Variants in CDC14B observed in about 807,000 individuals in gnomAD.
CDC14B encodes the protein cell division cycle 14B, also known as dual specificity protein phosphatase CDC14B.
A neutral mutation model predicts 64.2 loss-of-function variants in CDC14B; 22 were observed. The ratio of observed to expected loss-of-function variants is 0.34; its 90% CI spans 0.24 to 0.49. The LOEUF is 0.49. Ranked by LOEUF, CDC14B falls within the 20% of genes least tolerant of loss-of-function variation. The probability of loss-of-function intolerance (pLI) is 0.99; values close to 1 mark genes in which losing one functional copy is unlikely to be tolerated. For synonymous variants in CDC14B, 191 were observed against 215.8 expected, an observed-to-expected ratio of 0.89 and a Z score of 1.01; for missense variants, 498 against 629.9, an observed-to-expected ratio of 0.79 and a Z score of 2.24.
intron 3 of CDC14B, among the ~76,000 whole-genome samples, chr9:96,563,009 T>C (rs954148762): frequency 6.6e-6 from 1 of 152,172 alleles, no homozygotes; most frequent in African/African-American, 2.4e-5. Flanking sequence ...GGAGGGGACA[T>C]GAATGGACAC....
At chr9:96,573,678 GTAA>G (rs1844609847) in intron 1 of CDC14B, among the ~76,000 whole-genome samples, 1 of 152,190 alleles carries the variant, frequency 6.6e-6, no homozygotes, top group African/African-American at 2.4e-5. Flanking sequence ...CATGTTACAT[GTAA>G]TAAACTACAT....
intron 1 of CDC14B, among the ~76,000 whole-genome samples, chr9:96,587,624 C>G (rs1266450002): frequency 6.6e-6 from 1 of 152,188 alleles, no homozygotes; most frequent in Non-Finnish European, 1.5e-5. Flanking sequence ...TGGAGTACAT[C>G]TTAGTCTAGG....
At chr9:96,594,636 G>A (rs965382090) in intron 1 of CDC14B, among the ~76,000 whole-genome samples, 2 of 144,800 alleles carry the variant, frequency 1.4e-5, no homozygotes, top group African/African-American at 5.2e-5. Flanking sequence ...AGAATCACTT[G>A]AACCTGGGAG....
At chr9:96,496,269 G>T, downstream of CDC14B, 1 of 506,844 alleles carries the variant, frequency 2.0e-6, no homozygotes, top group Non-Finnish European at 3.9e-6. Flanking sequence ...GTGTCCAGGA[G>T]AGACCTTCCC....
intron 3 of CDC14B, among the ~76,000 whole-genome samples, chr9:96,563,987 T>C (rs1305863040): frequency 6.6e-6 from 1 of 152,182 alleles, no homozygotes; most frequent in East Asian, 1.9e-4. Flanking sequence ...AACATCTGCC[T>C]TACCCATGAA....
intron 1 of CDC14B, chr9:96,618,646 G>T: frequency 1.9e-6 from 1 of 525,574 alleles, no homozygotes. Context: ...GCGCGCTAGG[G>T]GGCAGGGCGC....
At chr9:96,490,993 A>G (rs543133095) in exon 14 of CDC14B, 2 of 152,288 alleles carry the variant, frequency 1.3e-5, no homozygotes, top group Non-Finnish European at 2.9e-5. Context: ...GGTTGGGGGT[A>G]CACCTCAGAG....
At chr9:96,541,737 C>A in intron 6 of CDC14B, 89 bp downstream of exon 6, 1 of 860,096 alleles carries the variant, frequency 1.2e-6, no homozygotes, top group South Asian at 2.7e-5. Context: ...GAAACACTAA[C>A]AAAAAGATCT....
intron 1 of CDC14B, among the ~76,000 whole-genome samples, chr9:96,577,813 A>G (rs1170911169): frequency 1.3e-5 from 2 of 152,248 alleles, no homozygotes; most frequent in Non-Finnish European, 2.9e-5. Flanking sequence ...ACATATGTTC[A>G]CCAAGAAAGG....
In CDC14B at chr9:96,515,610, G is replaced by A. The variant is rs1587767311; in HGVS notation, c.1344-5821C>T. ...ATTGTGGGAACCACACTAGGCACCA[G>A]AAGTAAGCAACGGCAGAGAAACAGA... On this transcript the variant is annotated intron_variant, in intron 12 of 13. Coordinates refer to ENST00000375241, the MANE Select transcript of CDC14B (RefSeq NM_033331.4). The surrounding 1 kb of genome is among the most constrained non-coding windows in gnomAD (Gnocchi z 4.3). 1 of 1,519,200 alleles carries A rather than the reference G, an allele frequency of 6.6e-7. No homozygotes were observed. The highest frequency in any genetic ancestry group is 2.5e-5 in the East Asian group (1 of 39,880). The allele number at this position is 1,519,200 out of a possible 1,614,324, so 94.1% of individuals were successfully genotyped here. A position where few individuals can be genotyped will look rare whatever the true frequency, so the allele number is the denominator to read the frequency against.
intron 1 of CDC14B, among the ~76,000 whole-genome samples, chr9:96,611,093 A>AG (rs983701124): frequency 1.1e-4 from 17 of 149,468 alleles, no homozygotes; most frequent in African/African-American, 3.9e-4. Context: ...AAGCTATAGA[A>AG]AAAAAAAAAA....
At position 96,503,080 on chromosome 9, in the gene CDC14B, G is replaced by A. The variant is rs1160570211; in HGVS notation, c.*673C>T. 1.8e-5 allele frequency: 7 copies of A among 389,914 alleles called. No individual in the cohort carries two copies. Among genetic ancestry groups the A allele is most frequent in the Non-Finnish European group, 3.2e-5 (7 of 221,030 alleles). 24.2% of individuals were successfully genotyped at this position (389,914 alleles called of 1,614,324 possible). ...AGTTTCTCCTCCTGAGTCTTCTAAAGCTACCATTAATATTCTCTTGCAAGT... is the reference window on the plus strand; with the variant it reads ...AGTTTCTCCTCCTGAGTCTTCTAAAACTACCATTAATATTCTCTTGCAAGT... On this transcript the variant is annotated 3_prime_UTR_variant, in exon 14 of 14. Coordinates refer to ENST00000375241, the MANE Select transcript of CDC14B (RefSeq NM_033331.4).
downstream of CDC14B, among the ~76,000 whole-genome samples, chr9:96,495,535 A>G (rs1330403245): frequency 6.6e-6 from 1 of 152,176 alleles, no homozygotes; most frequent in Non-Finnish European, 1.5e-5. Context: ...CTTGCGTCAG[A>G]GCAACAGTGA....
intron 1 of CDC14B, chr9:96,567,076 C>G: frequency 2.1e-6 from 2 of 972,972 alleles, no homozygotes; most frequent in South Asian, 3.7e-5. Flanking sequence ...CGCTTTCTTT[C>G]CCCCCGCCTG....
chr9:96,576,929 A>G (rs1844845793), intron 1 of CDC14B, among the ~76,000 whole-genome samples: 2 of 152,226 alleles, frequency 1.3e-5, no homozygotes, highest in Non-Finnish European at 2.9e-5. Flanking sequence ...CCATACACAT[A>G]GACCATGTTC....
At chr9:96,548,046 C>T (rs562321269) in intron 5 of CDC14B, among the ~76,000 whole-genome samples, 6 of 152,098 alleles carry the variant, frequency 3.9e-5, no homozygotes, top group East Asian at 1.9e-4. Context: ...AGGATGGTCT[C>T]GATCTCCTGA....
At chr9:96,557,316 GT>G (rs1324773839) in intron 4 of CDC14B, among the ~76,000 whole-genome samples, 2 of 152,234 alleles carry the variant, frequency 1.3e-5, no homozygotes, top group Admixed American at 1.3e-4. Context: ...GCCTCGTGCT[GT>G]TTGCCCTGCC....
chr9:96,538,698 A>G (rs1490068225), intron 7 of CDC14B: 2 of 190,174 alleles, frequency 1.1e-5, no homozygotes, highest in South Asian at 1.0e-4. Flanking sequence ...ACTTCAGCCT[A>G]GGTAACAGAG....
chr9:96,518,215 T>C (rs1241868726), intron 12 of CDC14B, among the ~76,000 whole-genome samples: 1 of 152,152 alleles, frequency 6.6e-6, no homozygotes, highest in East Asian at 1.9e-4. Flanking sequence ...ATCACTGTCA[T>C]CATTAAAAAT....
Sources: gnomAD v4.1 joint callset for allele counts (sites outside exome capture counted in the v4.1 genomes callset) on GRCh38, gnomAD v4.1.1 for gene constraint, Gnocchi (gnomAD v3.1) non-coding constraint, MANE v1.5 for transcripts, NCBI Gene and HGNC (gene_info 2026-07-23, HGNC 2026-07-21) for gene names.